The following SCEL variants were observed in gnomAD, a reference collection of about 807,000 sequenced individuals.
SCEL encodes sciellin.
Under a neutral mutation model 117.6 loss-of-function variants are expected in SCEL, and 113 were observed. That is an observed-to-expected ratio of 0.96 (90% CI 0.83 to 1.12). The LOEUF (loss-of-function observed/expected upper bound fraction) is 1.12, where lower values mean the gene tolerates loss of function less well. SCEL is among the 50% of genes most tolerant of loss of function. SCEL has a pLI of 0.00. For missense variants in SCEL, 785 were observed against 810.8 expected (o/e 0.97, Z 0.39); for synonymous variants, 270 against 256.2 (o/e 1.05, Z -0.51).
chr13:77,540,107 G>A (rs1012081076), intron 1 of SCEL, among the ~76,000 whole-genome samples: 7 of 152,106 alleles, frequency 4.6e-5, no homozygotes, highest in African/African-American at 1.4e-4. Flanking sequence ...ACGAGAAAGG[G>A]ATTTATTCTC....
chr13:77,610,128 A>G (rs374106155), intron 22 of SCEL, 22 bp downstream of exon 22: 1 of 1,558,400 alleles, frequency 6.4e-7, no homozygotes, highest in African/African-American at 1.4e-5. Context: ...GGAACTCTCT[A>G]TTTCTCCCCC....
intron 27 of SCEL, among the ~76,000 whole-genome samples, chr13:77,619,587 A>G (rs966714694): frequency 6.6e-6 from 1 of 152,100 alleles, no homozygotes; most frequent in Non-Finnish European, 1.5e-5. Context: ...ATTCTGGAGG[A>G]TTATTGTTAA....
chr13:77,636,620 T>C (rs532047597), intron 29 of SCEL, among the ~76,000 whole-genome samples: 3 of 152,340 alleles, frequency 2.0e-5, no homozygotes, highest in Admixed American at 1.3e-4. Flanking sequence ...CAGAAGACTT[T>C]TAAAAATCAT....
chr13:77,624,321 G>T (rs1249049871), intron 27 of SCEL, among the ~76,000 whole-genome samples: 1 of 151,888 alleles, frequency 6.6e-6, no homozygotes, highest in East Asian at 1.9e-4. Flanking sequence ...GGTCAGGCTG[G>T]TCTGGAACTC....
chr13:77,557,225 G>A (rs767058567), intron 3 of SCEL, among the ~76,000 whole-genome samples: 2 of 152,180 alleles, frequency 1.3e-5, no homozygotes, highest in African/African-American at 2.4e-5. Flanking sequence ...TACTTTGTAA[G>A]TACTTACAAC....
At position 77,642,700 on chromosome 13, in the gene SCEL, C is replaced by T. The variant is rs1359506632; in HGVS notation, c.1948-6C>T. On this transcript the variant is annotated splice_polypyrimidine_tract_variant and splice_region_variant and intron_variant, in intron 31 of 32. Coordinates refer to ENST00000349847, the MANE Select transcript of SCEL (RefSeq NM_144777.3). ...GGAAACTTTATATATGTATTTTTTT[C>T]TTTAGTGTGAAATATGCAAGCAGCC... The T allele has an allele frequency of 6.0e-6, 9 of 1,512,354 alleles. No homozygotes were observed. The highest frequency in any genetic ancestry group is 1.9e-5 in the Admixed American group (1 of 51,676). The allele number at this position is 1,512,354 out of a possible 1,614,324, so 93.7% of individuals were successfully genotyped here. A position where few individuals can be genotyped will look rare whatever the true frequency, so the allele number is the denominator to read the frequency against.
At chr13:77,591,299 G>A (rs1203430347) in intron 10 of SCEL, 96 bp from the exon 11 acceptor site, 1 of 795,670 alleles carries the variant, frequency 1.3e-6, no homozygotes, top group African/African-American at 1.8e-5. Flanking sequence ...AACAAACACT[G>A]ATCTTTTTGT....
intron 3 of SCEL, among the ~76,000 whole-genome samples, chr13:77,558,635 G>T (rs2084794134): frequency 6.6e-6 from 1 of 152,000 alleles, no homozygotes; most frequent in East Asian, 1.9e-4. Context: ...CCAACAGGAA[G>T]AAACCCTGTC....
intron 1 of SCEL, among the ~76,000 whole-genome samples, chr13:77,553,167 A>G (rs1318997422): frequency 6.6e-6 from 1 of 152,200 alleles, no homozygotes; most frequent in Non-Finnish European, 1.5e-5. Context: ...TTGGCCAATA[A>G]CAAGCACCCA....
At chr13:77,617,755 A>G (rs377537005) in intron 25 of SCEL, 48 bp from the exon 26 acceptor site, 2 of 1,533,902 alleles carry the variant, frequency 1.3e-6, no homozygotes, top group Non-Finnish European at 1.8e-6. Flanking sequence ...GATATTACCA[A>G]AAGAACTTCA....
intron 1 of SCEL, among the ~76,000 whole-genome samples, chr13:77,543,866 G>A (rs865784831): frequency 2.8e-4 from 42 of 152,042 alleles, no homozygotes; most frequent in African/African-American, 8.5e-4. Flanking sequence ...GGTACTGTGC[G>A]TCAGGCTGAT....
intron 15 of SCEL, among the ~76,000 whole-genome samples, chr13:77,601,458 C>G (rs1020101583): frequency 2.0e-5 from 3 of 152,096 alleles, no homozygotes; most frequent in African/African-American, 4.8e-5. Context: ...AATGGCAAAG[C>G]ATAATACTTG....
At position 77,616,009 on chromosome 13, in the gene SCEL, T is replaced by A. The variant is rs4885475; in HGVS notation, c.1452-1590T>A. On this transcript the variant is annotated intron_variant, in intron 24 of 32. Coordinates refer to ENST00000349847, the MANE Select transcript of SCEL (RefSeq NM_144777.3). Reference sequence around the variant, plus strand: ...TTCATAAAATTTATGTCTCTCTGTGTGTGTGTGTGTGTGTGTGTGTGTGTG... The same window carrying A: ...TTCATAAAATTTATGTCTCTCTGTGAGTGTGTGTGTGTGTGTGTGTGTGTG... Among the ~76,000 whole-genome samples, 291 of 109,334 alleles carry A rather than the reference T, an allele frequency of 2.7e-3. 2 individuals are homozygous for A. The highest frequency in any genetic ancestry group is 9.6e-3 in the East Asian group (14 of 1,464). 71.7% of individuals were successfully genotyped at this position (109,334 alleles called of 152,430 possible). A position where few individuals can be genotyped will look rare whatever the true frequency, so the allele number is the denominator to read the frequency against.
chr13:77,567,570 C>G, intron 5 of SCEL, 110 bp from the exon 6 acceptor site: 1 of 736,592 alleles, frequency 1.4e-6, no homozygotes, highest in Non-Finnish European at 2.3e-6. Flanking sequence ...AAATAGTTCT[C>G]TTTACTAGAG....
At chr13:77,628,895 T>C (rs1046704501) in intron 28 of SCEL, among the ~76,000 whole-genome samples, 1 of 152,108 alleles carries the variant, frequency 6.6e-6, no homozygotes, top group African/African-American at 2.4e-5. Context: ...CTTGAGAAAG[T>C]CTTTGAGAGA....
In SCEL at chr13:77,627,953, G is replaced by A; in HGVS notation, c.1635G>A (p.Gln545=). 6.9e-7 allele frequency: 1 copy of A among 1,455,492 alleles called. No homozygotes were observed. Among genetic ancestry groups the A allele is most frequent in the Non-Finnish European group, 9.4e-7 (1 of 1,060,486 alleles). 90.2% of individuals were successfully genotyped at this position (1,455,492 alleles called of 1,614,324 possible). A position where few individuals can be genotyped will look rare whatever the true frequency, so the allele number is the denominator to read the frequency against. ...PSALRNTNRD[Q]NLENLIEVNS... ...TATATATTTTTTTCCTTAGAGACCAGAACCTGGAAAATTTAATTGAAGTAA... is the reference window on the plus strand; with the variant it reads ...TATATATTTTTTTCCTTAGAGACCAAAACCTGGAAAATTTAATTGAAGTAA... Residue 545 remains glutamine, a synonymous_variant, in exon 28 of 33, where the codon CAG becomes CAA. Transcript: ENST00000349847.
Position 77,604,435 on chromosome 13 carries a change from C to G in SCEL, c.1157+20C>G. 1 of 1,553,342 alleles carries G rather than the reference C, an allele frequency of 6.4e-7. No individual in the cohort carries two copies. The highest frequency in any genetic ancestry group is 8.6e-7 in the Non-Finnish European group (1 of 1,156,130). On this transcript the variant is annotated intron_variant, in intron 19 of 32. Transcript: ENST00000349847. ...TACGAGGTAAGACATTTAAAGCTCC[C>G]CCCTCCCCTTTGTTTGGCATTTAGA...
intron 32 of SCEL, among the ~76,000 whole-genome samples, chr13:77,643,521 A>G (rs1335148864): frequency 1.3e-5 from 2 of 152,178 alleles, no homozygotes; most frequent in African/African-American, 4.8e-5. Flanking sequence ...GTAAGTAGAT[A>G]AAATAACCAA....
At chr13:77,593,294 G>C (rs1201121115) in intron 11 of SCEL, among the ~76,000 whole-genome samples, 14 of 125,146 alleles carry the variant, frequency 1.1e-4, no homozygotes, top group African/African-American at 2.8e-4. Context: ...GTGTGTGTGT[G>C]TGTCTGTGTG....
Sources: allele counts gnomAD v4.1 joint callset (sites outside exome capture counted in the v4.1 genomes callset), GRCh38; gene constraint gnomAD v4.1.1; transcripts MANE v1.5; gene names NCBI Gene and HGNC (gene_info 2026-07-23, HGNC 2026-07-21).